The following TAFA4 variants were observed in gnomAD, a reference collection of about 807,000 sequenced individuals.
TAFA4 encodes the protein TAFA chemokine like family member 4.
In TAFA4, 20 loss-of-function variants were observed where a neutral mutation model predicts 21.1. The observed-to-expected ratio is 0.95, with a 90% confidence interval of 0.67 to 1.38. The LOEUF (loss-of-function observed/expected upper bound fraction) is 1.38. TAFA4 is among the 40% of genes most tolerant of loss of function. The pLI is 0.00. For missense variants in TAFA4, 211 were observed against 180.9 expected (o/e 1.17, Z -0.95); for synonymous variants, 71 against 67.4 (o/e 1.05, Z -0.26).
chr3:68,839,107 C>T (rs974783118), intron 3 of TAFA4, among the ~76,000 whole-genome samples: 1 of 152,002 alleles, frequency 6.6e-6, no homozygotes, highest in Non-Finnish European at 1.5e-5. Flanking sequence ...CAAAGAAAAA[C>T]AACAACAACA....
In TAFA4 at chr3:68,769,734, C is replaced by G. The variant is rs145942267; in HGVS notation, c.131-16716G>C. On this transcript the variant is annotated intron_variant, in intron 3 of 5. Transcript: ENST00000295569. ...GTAAAAACCAAAAAATTCCCAAAAA[C>G]AAATGCAGAAATCCCACCGAGTAGC... is the stretch of plus-strand genomic sequence containing the variant. Among the ~76,000 whole-genome samples, 151 of 152,174 alleles carry G rather than the reference C, an allele frequency of 9.9e-4. 1 individual carries two copies. The highest frequency in any genetic ancestry group is 3.5e-3 in the African/African-American group (144 of 41,540).
intron 4 of TAFA4, among the ~76,000 whole-genome samples, chr3:68,748,424 CCTT>C (rs1702499613): frequency 6.6e-6 from 1 of 152,326 alleles, no homozygotes; most frequent in African/African-American, 2.4e-5. Flanking sequence ...CAGTAACTCT[CCTT>C]CTTAACTAAG....
intron 3 of TAFA4, among the ~76,000 whole-genome samples, chr3:68,762,751 T>C (rs1486439458): frequency 6.6e-6 from 1 of 152,192 alleles, no homozygotes; most frequent in Non-Finnish European, 1.5e-5. Context: ...ATAAAAGTGA[T>C]GTTGGGGCCG....
intron 5 of TAFA4, among the ~76,000 whole-genome samples, chr3:68,737,375 T>C (rs1702263922): frequency 6.6e-6 from 1 of 152,088 alleles, no homozygotes; most frequent in African/African-American, 2.4e-5. Context: ...ATGATACGAG[T>C]GTTGACCTCC....
At chr3:68,756,919 G>T (rs548540965) in intron 3 of TAFA4, among the ~76,000 whole-genome samples, 2 of 152,286 alleles carry the variant, frequency 1.3e-5, no homozygotes, top group African/African-American at 2.4e-5. Flanking sequence ...GGCTGGGAAA[G>T]GTTGGAGGGG....
At chr3:68,866,295 C>T (rs548050512) in intron 3 of TAFA4, among the ~76,000 whole-genome samples, 2 of 152,144 alleles carry the variant, frequency 1.3e-5, no homozygotes, top group East Asian at 3.9e-4. Flanking sequence ...GGGACCCACA[C>T]TCCCATTTCA....
At chr3:68,807,644 A>G (rs1240622019) in intron 3 of TAFA4, among the ~76,000 whole-genome samples, 2 of 152,238 alleles carry the variant, frequency 1.3e-5, no homozygotes, top group African/African-American at 4.8e-5. Flanking sequence ...TTGCACCTGA[A>G]TACAAAGTAT....
intron 3 of TAFA4, among the ~76,000 whole-genome samples, chr3:68,784,332 C>A (rs969566076): frequency 6.6e-6 from 1 of 152,190 alleles, no homozygotes; most frequent in Non-Finnish European, 1.5e-5. Flanking sequence ...AAGCTGCAGA[C>A]CCTCACGGTG....
intron 5 of TAFA4, 93 bp from the exon 6 acceptor site, chr3:68,733,246 A>ATACTT (rs1339042268): frequency 2.8e-5 from 41 of 1,483,466 alleles, no homozygotes; most frequent in Admixed American, 2.0e-5. Flanking sequence ...CTGACTGTGA[A>ATACTT]TACTTTATCA....
chr3:68,762,734 G>T (rs556087495), intron 3 of TAFA4, among the ~76,000 whole-genome samples: 87 of 152,342 alleles, frequency 5.7e-4, no homozygotes, highest in African/African-American at 1.5e-3. Context: ...AGAATCTCAT[G>T]AAGTCAATAA....
intron 3 of TAFA4, among the ~76,000 whole-genome samples, chr3:68,864,043 G>A (rs2089385264): frequency 6.6e-6 from 1 of 150,468 alleles, no homozygotes; most frequent in African/African-American, 2.4e-5. Context: ...TCTCGGATTG[G>A]GACAAATATT....
At chr3:68,897,111 A>G (rs556297496) in intron 1 of TAFA4, among the ~76,000 whole-genome samples, 2 of 152,022 alleles carry the variant, frequency 1.3e-5, no homozygotes, top group Non-Finnish European at 2.9e-5. Flanking sequence ...CATGTTGGCC[A>G]GGCTGGTCTC....
chr3:68,871,359 G>A (rs894980786), intron 3 of TAFA4, among the ~76,000 whole-genome samples: 1 of 151,988 alleles, frequency 6.6e-6, no homozygotes, highest in Admixed American at 6.6e-5. Flanking sequence ...ATGGTGCTGG[G>A]AAAACTGAAA....
chr3:68,844,824 G>A (rs756860022), intron 3 of TAFA4, among the ~76,000 whole-genome samples: 1 of 152,144 alleles, frequency 6.6e-6, no homozygotes, highest in Non-Finnish European at 1.5e-5. Context: ...GCATTTGCGT[G>A]GTTTTGAGTG....
intron 3 of TAFA4, among the ~76,000 whole-genome samples, chr3:68,773,009 A>G (rs916528395): frequency 2.6e-5 from 4 of 152,192 alleles, no homozygotes; most frequent in African/African-American, 9.6e-5. Flanking sequence ...AATCATCTAT[A>G]TGAGAGAGCA....
Position 68,744,238 on chromosome 3 carries a change from T to C in TAFA4, c.287-5039A>G, listed in dbSNP as rs189829340. 1.5e-3 allele frequency among the ~76,000 whole-genome samples: 233 copies of C among 152,280 alleles called. 1 individual carries two copies. Among genetic ancestry groups the C allele is most frequent in the African/African-American group, 5.4e-3 (225 of 41,568 alleles). On this transcript the variant is annotated intron_variant, in intron 4 of 5. Transcript: ENST00000295569. ...CCACAACTGAAGACAGGAGCGACAG[T>C]GACGGTTCCACCTGGAAGCCAGCAG... is the stretch of plus-strand genomic sequence containing the variant.
At chr3:68,887,354 T>C (rs565157837) in intron 1 of TAFA4, among the ~76,000 whole-genome samples, 1 of 152,284 alleles carries the variant, frequency 6.6e-6, no homozygotes, top group Non-Finnish European at 1.5e-5. Flanking sequence ...CCCTGTGGCT[T>C]TGCTGGACCC....
At chr3:68,892,382 C>A (rs2106967395) in intron 1 of TAFA4, among the ~76,000 whole-genome samples, 1 of 152,070 alleles carries the variant, frequency 6.6e-6, no homozygotes, top group Non-Finnish European at 1.5e-5. Flanking sequence ...CAAGTGTTAC[C>A]AATACCATCT....
Position 68,888,184 on chromosome 3 carries a change from A to G in TAFA4, c.-122-2874T>C, listed in dbSNP as rs548423015. 2.8e-4 allele frequency among the ~76,000 whole-genome samples: 43 copies of G among 152,024 alleles called. No homozygotes were observed. In the South Asian group the frequency reaches 8.7e-3, roughly 31 times the overall value. ...TTATAAAACACTTCCATCTTCTAAA[A>G]CCTTAGTGCATGGACGCAATTCAGC... On this transcript the variant is annotated intron_variant, in intron 1 of 5. Transcript: ENST00000295569.
Sources: gnomAD v4.1 joint callset for allele counts (sites outside exome capture counted in the v4.1 genomes callset) on GRCh38, gnomAD v4.1.1 for gene constraint, MANE v1.5 for transcripts, NCBI Gene and HGNC (gene_info 2026-07-23, HGNC 2026-07-21) for gene names.